Variants in PCDHA12 observed in about 807,000 individuals in gnomAD.
PCDHA12 encodes the protein protocadherin alpha-12.
PCDHA12 carries 44 observed loss-of-function variants against 60.0 expected under a neutral mutation model. The observed-to-expected ratio is 0.73, with a 90% CI of 0.58 to 0.94. The LOEUF (loss-of-function observed/expected upper bound fraction) is 0.94, where lower values mean the gene tolerates loss of function less well. PCDHA12 is among the 40% of genes least tolerant of loss of function. The pLI is 0.00. For synonymous variants in PCDHA12, 569 were observed against 553.0 expected (o/e 1.03, Z -0.40); for missense variants, 1,276 against 1,239.7 (o/e 1.03, Z -0.44).
At chr5:140,968,592 C>G (rs1554230905) in intron 1 of PCDHA12, 1 of 1,614,208 alleles carries the variant, frequency 6.2e-7, no homozygotes, top group African/African-American at 1.3e-5. Flanking sequence ...AAAGTCATAG[C>G]TATGGACTCA....
In PCDHA12 at chr5:140,876,328, C is replaced by T; in HGVS notation, c.856C>T (p.Pro286Ser). 6.2e-7 allele frequency: 1 copy of T among 1,613,940 alleles called. No individual in the cohort carries two copies. Among genetic ancestry groups the T allele is most frequent in the Non-Finnish European group, 8.5e-7 (1 of 1,179,888 alleles). The part of the protein sequence containing the change: ...EISYGIKMIL[P>S]VSEKCMFSIN... ...TTCCTATGGGATCAAAATGATTTTG[C>T]CAGTGAGTGAGAAATGTATGTTTTC... Residue 286 changes from proline to serine, a missense_variant, in exon 1 of 4, where the codon CCA (proline) becomes TCA (serine). Pro to Ser is a moderately conservative substitution (Grantham distance 74). Transcript: ENST00000398631.
At chr5:140,892,553 C>T (rs2063570808) in intron 1 of PCDHA12, among the ~76,000 whole-genome samples, 1 of 152,170 alleles carries the variant, frequency 6.6e-6, no homozygotes, top group South Asian at 2.1e-4. Flanking sequence ...TTTCTCTAGT[C>T]CTTGGAGACT....
chr5:140,920,854 A>C (rs1369314704), intron 1 of PCDHA12, among the ~76,000 whole-genome samples: 1 of 152,006 alleles, frequency 6.6e-6, no homozygotes, highest in East Asian at 1.9e-4. Context: ...AAAAAAAAAA[A>C]AAAACAAACA....
Position 140,876,686 on chromosome 5 carries a change from A to G in PCDHA12, c.1214A>G (p.Tyr405Cys), listed in dbSNP as rs1554168790. The change falls in exon 1 of 4, where the codon TAC becomes TGC. Residue 405 changes from tyrosine (Y) to cysteine (C), a missense_variant. Transcript: ENST00000398631. ...CTGGTGTCCACCTACAAGAATTACT[A>G]CTCGTTGGTGCTGGACAGCGCCCTG... Reference protein sequence around the residue: ...FKLVSTYKNYYSLVLDSALDR... With the variant: ...FKLVSTYKNYCSLVLDSALDR... The G allele has an allele frequency of 6.2e-7, 1 of 1,613,822 alleles. No individual in the cohort carries two copies. Among genetic ancestry groups the G allele is most frequent in the Admixed American group, 1.7e-5 (1 of 59,992 alleles).
At chr5:140,997,206 T>A (rs2097763489) in intron 3 of PCDHA12, among the ~76,000 whole-genome samples, 1 of 152,118 alleles carries the variant, frequency 6.6e-6, no homozygotes, top group Non-Finnish European at 1.5e-5. Context: ...ATTGACATCA[T>A]TATTGAAACT....
chr5:140,892,233 C>G (rs1199614913), intron 1 of PCDHA12, among the ~76,000 whole-genome samples: 1 of 152,082 alleles, frequency 6.6e-6, no homozygotes, highest in Non-Finnish European at 1.5e-5. Context: ...TGTTTTGTCT[C>G]CACATAAACC....
At chr5:140,894,296 C>T (rs1434101692) in intron 1 of PCDHA12, among the ~76,000 whole-genome samples, 4 of 151,798 alleles carry the variant, frequency 2.6e-5, no homozygotes, top group African/African-American at 4.8e-5. Flanking sequence ...AGTTTATTTT[C>T]CTGGAAAGTT....
intron 1 of PCDHA12, among the ~76,000 whole-genome samples, chr5:140,962,568 A>G (rs915587591): frequency 6.6e-6 from 1 of 152,222 alleles, no homozygotes; most frequent in Non-Finnish European, 1.5e-5. Context: ...CTAAAAGCCA[A>G]TTGTTAATGC....
intron 1 of PCDHA12, among the ~76,000 whole-genome samples, chr5:140,918,680 C>T (rs1291001659): frequency 6.6e-6 from 1 of 152,084 alleles, no homozygotes; most frequent in Non-Finnish European, 1.5e-5. Flanking sequence ...GAGGTGAGAC[C>T]TTTCAAACAT....
chr5:140,941,207 C>CTTCCTTTCTTTCTT (rs1563185091), intron 1 of PCDHA12, among the ~76,000 whole-genome samples: 2 of 103,272 alleles, frequency 1.9e-5, no homozygotes, highest in African/African-American at 1.2e-4. Flanking sequence ...TTCTTCCTTT[C>CTTCCTTTCTTTCTT]TTTCTTCCTT....
chr5:140,946,611 A>AATATATATAT (rs1554217734), intron 1 of PCDHA12, among the ~76,000 whole-genome samples: 3,697 of 86,664 alleles, frequency 0.043, 168 homozygotes, highest in Non-Finnish European at 0.054. Flanking sequence ...GAAAATGTGA[A>AATATATATAT]ATATATATAT....
At chr5:140,984,041 T>A (rs1440161569) in intron 3 of PCDHA12, among the ~76,000 whole-genome samples, 1 of 152,196 alleles carries the variant, frequency 6.6e-6, no homozygotes, top group Non-Finnish European at 1.5e-5. Flanking sequence ...CATAAAATAG[T>A]TCATTGACAA....
At chr5:141,001,451 A>T (rs2098018648) in intron 3 of PCDHA12, among the ~76,000 whole-genome samples, 1 of 152,310 alleles carries the variant, frequency 6.6e-6, no homozygotes, top group African/African-American at 2.4e-5. Flanking sequence ...TTCCACTGTC[A>T]ATTGAAGGAC....
intron 1 of PCDHA12, chr5:140,927,842 T>A (rs201721848): frequency 1.9e-6 from 3 of 1,614,140 alleles, no homozygotes; most frequent in Admixed American, 1.7e-5. Context: ...GACGAAGGTG[T>A]CTTTGGTTTA....
chr5:140,941,218 T>TCTTTCTTC, intron 1 of PCDHA12, among the ~76,000 whole-genome samples: 1 of 125,730 alleles, frequency 8.0e-6, no homozygotes, highest in African/African-American at 3.3e-5. Context: ...TTTCTTCCTT[T>TCTTTCTTC]CTTTCTTTCT....
At chr5:140,952,961 A>G (rs531904047) in intron 1 of PCDHA12, among the ~76,000 whole-genome samples, 1 of 152,158 alleles carries the variant, frequency 6.6e-6, no homozygotes, top group East Asian at 1.9e-4. Context: ...GGGAAGTGAT[A>G]CACACTTTTA....
At chr5:140,912,130 T>A (rs1554195167) in intron 1 of PCDHA12, among the ~76,000 whole-genome samples, 1 of 152,156 alleles carries the variant, frequency 6.6e-6, no homozygotes, top group Non-Finnish European at 1.5e-5. Flanking sequence ...GTCAGTCTAA[T>A]CTCTCCATGT....
Position 140,876,759 on chromosome 5 carries a change from T to C in PCDHA12, c.1287T>C (p.Asp429=), listed in dbSNP as rs782783090. The C allele has an allele frequency of 1.2e-5, 19 of 1,614,028 alleles. No homozygotes were observed. In the Admixed American group the frequency reaches 2.8e-4, roughly 24 times the overall value. The part of the protein sequence containing the change: ...SAYELVVTAR[D]GGSPSLWATA... Reference sequence around the variant, plus strand: ...ATGAGCTGGTGGTGACTGCGCGGGATGGGGGCTCGCCTTCGCTGTGGGCCA... The same window carrying C: ...ATGAGCTGGTGGTGACTGCGCGGGACGGGGGCTCGCCTTCGCTGTGGGCCA... Residue 429 remains aspartate, a synonymous_variant, in exon 1 of 4, where the codon GAT becomes GAC. Transcript: ENST00000398631.
At chr5:140,962,585 T>C (rs2095694248) in intron 1 of PCDHA12, among the ~76,000 whole-genome samples, 1 of 152,216 alleles carries the variant, frequency 6.6e-6, no homozygotes, top group South Asian at 2.1e-4. Flanking sequence ...ATGCCAAATA[T>C]TTGACTGATA....
Sources: allele counts gnomAD v4.1 joint callset (sites outside exome capture counted in the v4.1 genomes callset), GRCh38; gene constraint gnomAD v4.1.1; transcripts MANE v1.5; gene names NCBI Gene and HGNC (gene_info 2026-07-23, HGNC 2026-07-21).